Variants in PCDH7 observed in about 807,000 individuals in gnomAD.
The protein encoded by PCDH7 is protocadherin-7.
In PCDH7, 17 loss-of-function variants were observed where a neutral mutation model predicts 58.9. That is an observed-to-expected ratio of 0.29 (90% CI 0.20 to 0.43). The LOEUF is 0.43. Ranked by LOEUF, PCDH7 falls within the 20% of genes least tolerant of loss-of-function variation. PCDH7 has a pLI of 1.00. For synonymous variants in PCDH7, 664 were observed against 616.4 expected (o/e 1.08, Z -1.14); for missense variants, 1,274 against 1,441.0 (o/e 0.88, Z 1.88).
chr4:30,964,342 C>T (rs1213983610), intron 3 of PCDH7, among the ~76,000 whole-genome samples: 2 of 151,420 alleles, frequency 1.3e-5, no homozygotes, highest in African/African-American at 2.4e-5. Context: ...CTTGGGTTCA[C>T]GACATTATCC....
At chr4:30,778,661 A>G (rs1722384142) in intron 1 of PCDH7, among the ~76,000 whole-genome samples, 1 of 151,986 alleles carries the variant, frequency 6.6e-6, no homozygotes, top group Non-Finnish European at 1.5e-5. Flanking sequence ...ATTCTTTTTG[A>G]TGAACCAACT....
At chr4:30,976,682 AG>A (rs1218326961) in intron 3 of PCDH7, among the ~76,000 whole-genome samples, 1 of 152,128 alleles carries the variant, frequency 6.6e-6, no homozygotes, top group African/African-American at 2.4e-5. Flanking sequence ...TACAGGGGTG[AG>A]CCACTGCACC....
intron 3 of PCDH7, among the ~76,000 whole-genome samples, chr4:31,023,044 A>T (rs192162917): frequency 6.6e-6 from 1 of 152,310 alleles, no homozygotes; most frequent in East Asian, 1.9e-4. Flanking sequence ...AAAGGAAATG[A>T]GAGCGAAACC....
At chr4:30,833,135 A>C (rs1405782438) in intron 1 of PCDH7, among the ~76,000 whole-genome samples, 1 of 152,158 alleles carries the variant, frequency 6.6e-6, no homozygotes, top group Non-Finnish European at 1.5e-5. Flanking sequence ...GCATGTGGGT[A>C]CACATGCTAT....
chr4:30,899,114 C>T (rs1739853225), intron 1 of PCDH7, among the ~76,000 whole-genome samples: 1 of 151,968 alleles, frequency 6.6e-6, no homozygotes, highest in East Asian at 1.9e-4. Flanking sequence ...GATAGGAATG[C>T]AAAATTGATT....
Position 30,722,277 on chromosome 4 carries a change from C to T in PCDH7, c.855C>T (p.Asp285=). Reference sequence around the variant, plus strand: ...CCCTGCGAGTGCGCGACGGCGGCGACCCGCCTCGCTCCTCGCAGGCCATCC... The same window carrying T: ...CCCTGCGAGTGCGCGACGGCGGCGATCCGCCTCGCTCCTCGCAGGCCATCC... The change falls in exon 1 of 2, where the codon GAC becomes GAT. Residue 285 remains aspartate, a synonymous_variant. Coordinates refer to ENST00000361762, the Ensembl canonical transcript of PCDH7. The surrounding 1 kb of genome is among the most constrained non-coding windows in gnomAD (Gnocchi z 7.6). 2 of 1,601,010 alleles carry T rather than the reference C, an allele frequency of 1.2e-6. No homozygotes were observed. Among genetic ancestry groups the T allele is most frequent in the East Asian group, 2.3e-5 (1 of 44,236 alleles).
intron 3 of PCDH7, among the ~76,000 whole-genome samples, chr4:31,115,356 T>C (rs1456636450): frequency 6.6e-5 from 10 of 152,108 alleles, no homozygotes; most frequent in Non-Finnish European, 1.3e-4. Context: ...TGGATAATTT[T>C]TATTCCCTCT....
intron 3 of PCDH7, among the ~76,000 whole-genome samples, chr4:31,094,191 C>G (rs1445587836): frequency 6.6e-6 from 1 of 152,144 alleles, no homozygotes. Flanking sequence ...TGATTCCACC[C>G]TCTTGAAATC....
chr4:30,989,348 T>C (rs901901760), intron 3 of PCDH7, among the ~76,000 whole-genome samples: 37 of 152,212 alleles, frequency 2.4e-4, no homozygotes, highest in African/African-American at 8.2e-4. Context: ...TCTCCAAATA[T>C]ATACATCTCA....
chr4:31,050,386 T>C (rs769467608), intron 3 of PCDH7, among the ~76,000 whole-genome samples: 2 of 152,134 alleles, frequency 1.3e-5, no homozygotes, highest in Non-Finnish European at 2.9e-5. Context: ...AAATAAATTT[T>C]ACATGACACA....
chr4:30,745,857 T>G (rs1043654677), intron 1 of PCDH7, among the ~76,000 whole-genome samples: 31 of 152,188 alleles, frequency 2.0e-4, no homozygotes, highest in Non-Finnish European at 4.3e-4. Context: ...TAATTTTTTT[T>G]GATACAGATT....
At chr4:31,031,748 C>T (rs1754934955) in intron 3 of PCDH7, among the ~76,000 whole-genome samples, 1 of 152,006 alleles carries the variant, frequency 6.6e-6, no homozygotes, top group African/African-American at 2.4e-5. Context: ...TTAAAAGGGC[C>T]TTTGGAAACA....
chr4:30,894,516 T>TATACACAC (rs1400204196), intron 1 of PCDH7, among the ~76,000 whole-genome samples: 20 of 32,196 alleles, frequency 6.2e-4, no homozygotes, highest in East Asian at 1.1e-3. Flanking sequence ...TATATATATA[T>TATACACAC]ACACACACAC....
At chr4:30,895,329 G>A (rs1739265125) in intron 1 of PCDH7, among the ~76,000 whole-genome samples, 1 of 151,750 alleles carries the variant, frequency 6.6e-6, no homozygotes, top group African/African-American at 2.4e-5. Context: ...AGCTAAATAG[G>A]GAAATAGGAA....
intron 1 of PCDH7, among the ~76,000 whole-genome samples, chr4:30,896,867 T>C (rs1739458665): frequency 6.9e-6 from 1 of 144,996 alleles, no homozygotes; most frequent in Non-Finnish European, 1.5e-5. Flanking sequence ...TCCACTTGTC[T>C]TGTGCCCCTC....
In PCDH7 at chr4:30,722,341, C is replaced by G; in HGVS notation, c.919C>G (p.Arg307Gly). 2 of 1,611,788 alleles carry G rather than the reference C, an allele frequency of 1.2e-6. No individual in the cohort carries two copies. Among genetic ancestry groups the G allele is most frequent in the Non-Finnish European group, 1.7e-6 (2 of 1,179,638 alleles). Residue 307 changes from arginine to glycine, a missense_variant, in exon 1 of 2, where the codon CGC becomes GGC. This residue lies in a region of PCDH7 where 331 missense variants were observed against 303.2 expected (regional missense o/e 1.09). Coordinates refer to ENST00000361762, the Ensembl canonical transcript of PCDH7. This position sits in a 1 kb window ranked among gnomAD's most constrained non-coding sequence, Gnocchi z 7.6. ...CACCGACGTGAACGACAACAGCCCC[C>G]GCTTCGAGAAGAGCGTGTACGAGGC...
At chr4:31,096,928 T>TGTGTGTGTGTG (rs5857221) in intron 3 of PCDH7, among the ~76,000 whole-genome samples, 10 of 151,506 alleles carry the variant, frequency 6.6e-5, no homozygotes, top group Non-Finnish European at 1.2e-4. Flanking sequence ...TGTGTGTGTG[T>TGTGTGTGTGTG]TGTGAATAAG....
At chr4:30,891,904 A>T (rs1218585181) in intron 1 of PCDH7, among the ~76,000 whole-genome samples, 1 of 151,826 alleles carries the variant, frequency 6.6e-6, no homozygotes. Flanking sequence ...CTAATTTGGT[A>T]AGGGGATCGT....
chr4:30,987,890 G>A (rs1372615598), intron 3 of PCDH7: 3 of 152,094 alleles, frequency 2.0e-5, no homozygotes, highest in African/African-American at 4.8e-5. Context: ...TGTGTGCCAA[G>A]GAGGAAAGAA....
Sources: allele counts gnomAD v4.1 joint callset (sites outside exome capture counted in the v4.1 genomes callset), GRCh38; gene constraint gnomAD v4.1.1; regional missense constraint gnomAD v4.1.1; non-coding constraint Gnocchi (gnomAD v3.1); transcripts MANE v1.5; gene names NCBI Gene and HGNC (gene_info 2026-07-23, HGNC 2026-07-21).